METTL2B: variants seen among roughly 807,000 people sequenced by gnomAD.
The protein encoded by METTL2B is methyltransferase 2B, tRNA N3-cytidine, also known as tRNA N(3)-cytidine methyltransferase METTL2B.
METTL2B carries 28 observed loss-of-function variants against 51.0 expected under a neutral mutation model. The observed-to-expected ratio is 0.55, with a 90% CI of 0.41 to 0.75. The LOEUF (loss-of-function observed/expected upper bound fraction) is 0.75. Among genes scored for constraint, METTL2B ranks in the 30% least tolerant of loss-of-function variants. The pLI is 0.00. For missense variants in METTL2B, 313 were observed against 460.7 expected (o/e 0.68, Z 2.93); for synonymous variants, 128 against 166.3 (o/e 0.77, Z 1.77).
At chr7:128,490,937 C>T (rs550722631) in intron 5 of METTL2B, among the ~76,000 whole-genome samples, 235 of 152,024 alleles carry the variant, frequency 1.5e-3, no homozygotes, top group Non-Finnish European at 2.6e-3. Context: ...CCACGGCCAG[C>T]GGATCATGAG....
chr7:128,495,930 TCTC>T (rs1156974233), intron 6 of METTL2B, among the ~76,000 whole-genome samples: 1 of 152,106 alleles, frequency 6.6e-6, no homozygotes, highest in Admixed American at 6.6e-5. Context: ...ACTTCAAACA[TCTC>T]CTCATTCTGT....
chr7:128,492,776 C>G (rs565770426), intron 5 of METTL2B, among the ~76,000 whole-genome samples: 1 of 151,962 alleles, frequency 6.6e-6, no homozygotes, highest in South Asian at 2.1e-4. Context: ...GCCACCACAC[C>G]CGGCTAATTT....
rs1378727193 is a variant in METTL2B, at chr7:128,503,536, G to A, written c.*1620G>A. On this transcript the variant is annotated 3_prime_UTR_variant, in exon 9 of 9. Coordinates refer to ENST00000262432, the MANE Select transcript of METTL2B (RefSeq NM_018396.3). The stretch of plus-strand genomic sequence containing the variant: ...TTATCACCTCGAACTTCTGGCTTGA[G>A]CCATCGCTCCACCTCAGCCTCCTGA... The A allele has an allele frequency of 6.6e-6, 1 of 150,928 alleles. No homozygotes were observed. Among genetic ancestry groups the A allele is most frequent in the Non-Finnish European group, 1.5e-5 (1 of 67,944 alleles). The allele number at this position is 150,928 out of a possible 1,614,324, so 9.3% of individuals were successfully genotyped here. A position where few individuals can be genotyped will look rare whatever the true frequency, so the allele number is the denominator to read the frequency against.
At chr7:128,484,232 T>TTTTTGTTTTTGTTTTTTTTTTGTTG (rs1554428847) in intron 4 of METTL2B, 2 of 83,572 alleles carry the variant, frequency 2.4e-5, no homozygotes, top group African/African-American at 9.9e-5. Flanking sequence ...TTTTTTTTTT[T>TTTTTGTTTTTGTTTTTTTTTTGTTG]TTTTTTTTTT....
rs1793037781 is a variant in METTL2B, at chr7:128,501,947, C to T, written c.*31C>T. 11 of 1,608,564 alleles carry T rather than the reference C, an allele frequency of 6.8e-6. No homozygotes were observed. Among genetic ancestry groups the T allele is most frequent in the East Asian group, 4.5e-5 (2 of 44,774 alleles). On this transcript the variant is annotated 3_prime_UTR_variant, in exon 9 of 9. Transcript: ENST00000262432. ...ACCTGCTGCCAACACGATGCAAGCC[C>T]GTTGTGTTTCCGAGCTTTTTTAAAA... is the stretch of plus-strand genomic sequence containing the variant.
intron 7 of METTL2B, among the ~76,000 whole-genome samples, chr7:128,498,494 T>TA (rs1563031283): frequency 1.6e-4 from 24 of 150,704 alleles, no homozygotes; most frequent in African/African-American, 5.3e-4. Flanking sequence ...AAGTATAATT[T>TA]TAAAAAAAAA....
intron 4 of METTL2B, among the ~76,000 whole-genome samples, chr7:128,482,013 A>C (rs890917154): frequency 1.3e-5 from 2 of 152,228 alleles, no homozygotes; most frequent in African/African-American, 4.8e-5. Flanking sequence ...AGAAGAAAAT[A>C]GTTTTCATAC....
chr7:128,484,362 C>T (rs1792661926), intron 4 of METTL2B, among the ~76,000 whole-genome samples: 1 of 150,724 alleles, frequency 6.6e-6, no homozygotes, highest in African/African-American at 2.4e-5. Context: ...GTAGCTGGGA[C>T]AACAGGCGTG....
At chr7:128,486,487 C>G (rs1407806382) in intron 4 of METTL2B, among the ~76,000 whole-genome samples, 1 of 151,620 alleles carries the variant, frequency 6.6e-6, no homozygotes, top group Non-Finnish European at 1.5e-5. Context: ...GTAGTCCCAG[C>G]TACTCAGGAG....
intron 3 of METTL2B, 61 bp downstream of exon 3, chr7:128,479,574 T>C: frequency 6.5e-7 from 1 of 1,542,020 alleles, no homozygotes; most frequent in Non-Finnish European, 8.8e-7. Flanking sequence ...GCACATGAGG[T>C]AGCATAGAGA....
At chr7:128,487,131 G>A (rs552299747) in intron 4 of METTL2B, among the ~76,000 whole-genome samples, 2 of 152,318 alleles carry the variant, frequency 1.3e-5, no homozygotes, top group South Asian at 4.1e-4. Flanking sequence ...GCCACAGGTA[G>A]CTAGTGATTA....
chr7:128,492,089 C>T (rs1360712667), intron 5 of METTL2B, among the ~76,000 whole-genome samples: 4 of 151,928 alleles, frequency 2.6e-5, no homozygotes, highest in Non-Finnish European at 5.9e-5. Flanking sequence ...GCCTTGATCT[C>T]CTGGGCTCAA....
chr7:128,500,832 A>G (rs189640149), intron 7 of METTL2B, 71 bp from the exon 8 acceptor site: 32 of 1,582,758 alleles, frequency 2.0e-5, no homozygotes, highest in Non-Finnish European at 2.6e-5. Context: ...CCTCTCAGTT[A>G]ACATTCCTTA....
At position 128,505,836 on chromosome 7, in the gene METTL2B, TTTG is replaced by T. The variant is rs1793113124; in HGVS notation, c.*3929_*3931del. 6.6e-6 allele frequency: 1 copy of T among 152,256 alleles called. No homozygotes were observed. Among genetic ancestry groups the T allele is most frequent in the East Asian group, 1.9e-4 (1 of 5,182 alleles). 9.4% of individuals were successfully genotyped at this position (152,256 alleles called of 1,614,324 possible). A position where few individuals can be genotyped will look rare whatever the true frequency, so the allele number is the denominator to read the frequency against. ...GGTATTTGAGTTTCTTGTGGGGTTA[TTTG>T]TTGTTGTTTTTGAGACAGGCTCACC... On this transcript the variant is annotated 3_prime_UTR_variant, in exon 9 of 9. Transcript: ENST00000262432.
chr7:128,496,760 C>CTTTG (rs68069472), intron 6 of METTL2B, among the ~76,000 whole-genome samples: 23,318 of 148,902 alleles, frequency 0.16, 1,990 homozygotes, highest in Middle Eastern at 0.25. Context: ...GCTGCTTTTT[C>CTTTG]TTTGTTTGTT....
intron 5 of METTL2B, among the ~76,000 whole-genome samples, chr7:128,491,317 C>T (rs985206091): frequency 1.5e-4 from 22 of 149,514 alleles, no homozygotes; most frequent in Non-Finnish European, 2.2e-4. Flanking sequence ...AAAACTAGGC[C>T]GGGTGCAGTG....
At chr7:128,501,051 C>T in intron 8 of METTL2B, 83 bp downstream of exon 8, 1 of 1,595,356 alleles carries the variant, frequency 6.3e-7, no homozygotes, top group East Asian at 2.2e-5. Flanking sequence ...AACTATCTGG[C>T]CCCTCCTGCC....
chr7:128,478,789 G>A (rs184340731), intron 2 of METTL2B, among the ~76,000 whole-genome samples: 13 of 152,066 alleles, frequency 8.5e-5, no homozygotes, highest in African/African-American at 2.6e-4. Context: ...GCATGAACCC[G>A]GGAGGTGGAG....
rs907586664 is a variant in METTL2B, at chr7:128,506,283, C to G, written c.*4367C>G. The G allele has an allele frequency of 2.0e-5, 3 of 152,208 alleles. No individual in the cohort carries two copies. Among genetic ancestry groups the G allele is most frequent in the Non-Finnish European group, 4.4e-5 (3 of 68,036 alleles). The allele number at this position is 152,208 out of a possible 1,614,324, so 9.4% of individuals were successfully genotyped here. On this transcript the variant is annotated 3_prime_UTR_variant, in exon 9 of 9. Transcript: ENST00000262432. ...TAGATACATTAATTTAAATGATTCT[C>G]TAAAGACTGTCCTTCAGCATCCCTA...
Sources: gnomAD v4.1 joint callset for allele counts (sites outside exome capture counted in the v4.1 genomes callset) on GRCh38, gnomAD v4.1.1 for gene constraint, MANE v1.5 for transcripts, NCBI Gene and HGNC (gene_info 2026-07-23, HGNC 2026-07-21) for gene names.